POU6F2: variants seen among roughly 807,000 people sequenced by gnomAD.
POU6F2 encodes the protein POU domain, class 6, transcription factor 2.
POU6F2 carries 31 observed loss-of-function variants against 71.3 expected under a neutral mutation model. The observed-to-expected ratio is 0.43, with a 90% CI of 0.33 to 0.59. The LOEUF (loss-of-function observed/expected upper bound fraction) is 0.59. Ranked by LOEUF, POU6F2 falls within the 20% of genes least tolerant of loss-of-function variation. The probability of loss-of-function intolerance (pLI) is 0.04; values close to 1 mark genes in which losing one functional copy is unlikely to be tolerated. For synonymous variants in POU6F2, 347 were observed against 355.7 expected, an observed-to-expected ratio of 0.98 and a Z score of 0.27; for missense variants, 783 against 856.8, an observed-to-expected ratio of 0.91 and a Z score of 1.07.
At chr7:39,403,042 C>T (rs1332818868) in intron 5 of POU6F2, among the ~76,000 whole-genome samples, 1 of 151,966 alleles carries the variant, frequency 6.6e-6, no homozygotes, top group Admixed American at 6.6e-5. Flanking sequence ...CTTTTCATAC[C>T]CATTTTACCC....
At chr7:39,273,424 A>G (rs1308155419) in intron 4 of POU6F2, among the ~76,000 whole-genome samples, 8 of 152,232 alleles carry the variant, frequency 5.3e-5, no homozygotes, top group Admixed American at 5.2e-4. Flanking sequence ...CCAAAAACTC[A>G]TAACCCCGTC....
intron 8 of POU6F2, among the ~76,000 whole-genome samples, chr7:39,455,113 T>C (rs973289503): frequency 6.6e-6 from 1 of 152,106 alleles, no homozygotes; most frequent in Non-Finnish European, 1.5e-5. Flanking sequence ...AGCAGGGTTT[T>C]CAGAAAATCA....
At chr7:39,096,591 G>GTGCCAGCCAA (rs1331227586) in intron 2 of POU6F2, among the ~76,000 whole-genome samples, 1 of 152,118 alleles carries the variant, frequency 6.6e-6, no homozygotes, top group African/African-American at 2.4e-5. Context: ...CACTCGTTCT[G>GTGCCAGCCAA]ATTCAGCCAA....
Position 39,226,712 on chromosome 7 carries a change from C to G in POU6F2, c.598+19092C>G, listed in dbSNP as rs182124461. Among the ~76,000 whole-genome samples the G allele has an allele frequency of 5.0e-3, 764 of 152,224 alleles. 2 individuals carry two copies. Among genetic ancestry groups the G allele is most frequent in the Non-Finnish European group, 8.9e-3 (602 of 67,992 alleles). On this transcript the variant is annotated intron_variant, in intron 4 of 9. Transcript: ENST00000518318. ...CTGAAAGTAGGTCATTCAGAAGTTGCCCATTTTTCTCCCTTTTTATTCCAA... is the reference window on the plus strand; with the variant it reads ...CTGAAAGTAGGTCATTCAGAAGTTGGCCATTTTTCTCCCTTTTTATTCCAA...
At chr7:39,356,264 C>A (rs1388565224) in intron 5 of POU6F2, among the ~76,000 whole-genome samples, 1 of 152,154 alleles carries the variant, frequency 6.6e-6, no homozygotes, top group Non-Finnish European at 1.5e-5. Flanking sequence ...TCCTCCAACT[C>A]CCTCTGCCAC....
rs75152357 is a variant in POU6F2, at chr7:39,115,373, C to T, written c.277+29342C>T. 8.6e-3 allele frequency among the ~76,000 whole-genome samples: 1,301 copies of T among 151,986 alleles called. 20 individuals carry two copies. Among genetic ancestry groups the T allele is most frequent in the African/African-American group, 0.029 (1,208 of 41,420 alleles). On this transcript the variant is annotated intron_variant, in intron 2 of 9. Transcript: ENST00000518318. ...ATTTATTTTAGGTACCTTCTATTTC[C>T]ATTGCTTCCTACTCCTTCTCTGCTA...
intron 4 of POU6F2, among the ~76,000 whole-genome samples, chr7:39,323,270 G>A (rs930341907): frequency 3.6e-4 from 55 of 152,272 alleles, no homozygotes; most frequent in African/African-American, 1.3e-3. Flanking sequence ...GGCTGCCATG[G>A]ATCCCAGCAA....
chr7:39,146,593 A>AG (rs1274361992), intron 2 of POU6F2, among the ~76,000 whole-genome samples: 1 of 152,232 alleles, frequency 6.6e-6, no homozygotes, highest in East Asian at 1.9e-4. Flanking sequence ...AGAGAAAAGC[A>AG]GGAAAGTGCT....
intron 8 of POU6F2, among the ~76,000 whole-genome samples, chr7:39,457,508 C>A (rs796302162): frequency 2.0e-5 from 3 of 152,130 alleles, no homozygotes; most frequent in Non-Finnish European, 4.4e-5. Context: ...CAGTCCTATA[C>A]AGGTGAGAGA....
Position 39,085,729 on chromosome 7 carries a change from G to T in POU6F2, c.106-131G>T, listed in dbSNP as rs1791225634. ...TAACAGCGGGAGCAGCCAGAGATAAGAGAGAGAGGAGAGAGGGAGAGTGTG... is the reference window on the plus strand; with the variant it reads ...TAACAGCGGGAGCAGCCAGAGATAATAGAGAGAGGAGAGAGGGAGAGTGTG... On this transcript the variant is annotated intron_variant, in intron 1 of 9. Coordinates refer to ENST00000518318, the MANE Select transcript of POU6F2 (RefSeq NM_001370959.1). The T allele has an allele frequency of 4.3e-6, 4 of 924,444 alleles. No homozygotes were observed. The African/African-American group carries it at 4.9e-5, about 11-fold the overall frequency. 57.3% of individuals were successfully genotyped at this position (924,444 alleles called of 1,614,324 possible).
chr7:39,266,175 C>G (rs533056375), intron 4 of POU6F2, among the ~76,000 whole-genome samples: 1 of 152,220 alleles, frequency 6.6e-6, no homozygotes, highest in South Asian at 2.1e-4. Context: ...CAGGGAAGTT[C>G]CCTTGGCAAA....
chr7:39,067,480 G>T (rs1790782154), intron 1 of POU6F2, among the ~76,000 whole-genome samples: 1 of 151,710 alleles, frequency 6.6e-6, no homozygotes, highest in East Asian at 1.9e-4. Flanking sequence ...AAATCAAACG[G>T]AAATAACAAA....
At chr7:39,181,538 T>C (rs1793434499) in intron 2 of POU6F2, among the ~76,000 whole-genome samples, 1 of 152,176 alleles carries the variant, frequency 6.6e-6, no homozygotes, top group Non-Finnish European at 1.5e-5. Flanking sequence ...GGAACAGATA[T>C]ATCTTTTGGG....
At chr7:39,351,510 T>C (rs1786138758) in intron 5 of POU6F2, among the ~76,000 whole-genome samples, 1 of 152,208 alleles carries the variant, frequency 6.6e-6, no homozygotes, top group Non-Finnish European at 1.5e-5. Flanking sequence ...ATCTTTAACA[T>C]CTTCTCAAAA....
intron 2 of POU6F2, among the ~76,000 whole-genome samples, chr7:39,140,118 A>C (rs150711864): frequency 6.6e-6 from 1 of 152,302 alleles, no homozygotes; most frequent in Non-Finnish European, 1.5e-5. Flanking sequence ...GTAAGGATCA[A>C]ATGGGATGGG....
intron 2 of POU6F2, among the ~76,000 whole-genome samples, chr7:39,105,647 A>C (rs940531818): frequency 3.9e-5 from 6 of 152,210 alleles, no homozygotes; most frequent in African/African-American, 1.4e-4. Context: ...AAAAGATCCC[A>C]TTAAGACTCA....
chr7:39,402,113 C>T (rs1023199351), intron 5 of POU6F2, among the ~76,000 whole-genome samples: 5 of 152,170 alleles, frequency 3.3e-5, no homozygotes, highest in Non-Finnish European at 7.4e-5. Flanking sequence ...TTTCAGGATA[C>T]AAACTATGCA....
At chr7:39,099,176 A>C (rs1012079275) in intron 2 of POU6F2, among the ~76,000 whole-genome samples, 2 of 152,076 alleles carry the variant, frequency 1.3e-5, no homozygotes, top group East Asian at 3.9e-4. Flanking sequence ...TACACATCTC[A>C]CTCTTCTCTA....
chr7:39,385,725 G>A (rs932502693), intron 5 of POU6F2, among the ~76,000 whole-genome samples: 1 of 152,124 alleles, frequency 6.6e-6, no homozygotes. Flanking sequence ...CCAGCTGTCC[G>A]GGAGTGCTCT....
Sources: gnomAD v4.1 joint callset for allele counts (sites outside exome capture counted in the v4.1 genomes callset) on GRCh38, gnomAD v4.1.1 for gene constraint, MANE v1.5 for transcripts, NCBI Gene and HGNC (gene_info 2026-07-23, HGNC 2026-07-21) for gene names.